ELOVL7: variants seen among roughly 807,000 people sequenced by gnomAD.
ELOVL7 encodes the protein ELOVL fatty acid elongase 7.
ELOVL7 carries 27 observed loss-of-function variants against 35.7 expected under a neutral mutation model. The observed-to-expected ratio is 0.76, with a 90% CI of 0.56 to 1.04. ELOVL7 has a LOEUF of 1.04. ELOVL7 is among the 50% of genes least tolerant of loss of function. The pLI, the probability that ELOVL7 is intolerant of heterozygous loss-of-function variation, is 0.00. For missense variants in ELOVL7, 327 were observed against 340.8 expected, an observed-to-expected ratio of 0.96 and a Z score of 0.32; for synonymous variants, 113 against 114.6, an observed-to-expected ratio of 0.99 and a Z score of 0.09.
intron 2 of ELOVL7, among the ~76,000 whole-genome samples, chr5:60,791,017 A>G (rs1172051445): frequency 1.3e-5 from 2 of 152,102 alleles, no homozygotes; most frequent in Non-Finnish European, 2.9e-5. Context: ...TGGCTCTGTC[A>G]CCCAGGCTGG....
chr5:60,822,121 G>C (rs544449480), intron 1 of ELOVL7, among the ~76,000 whole-genome samples: 2 of 152,302 alleles, frequency 1.3e-5, no homozygotes, highest in South Asian at 4.1e-4. Context: ...AGGTGTGAAT[G>C]ATAAGAAGGC....
Position 60,840,037 on chromosome 5 carries a change from G to A in ELOVL7, c.-86+4123C>T, listed in dbSNP as rs17391461. On this transcript the variant is annotated intron_variant, in intron 1 of 8. Transcript: ENST00000508821. ...GAGCATCCTTCTGTATCTTAAAACTGATAAGCACAAGTGGCACATCATGGA... is the reference window on the plus strand; with the variant it reads ...GAGCATCCTTCTGTATCTTAAAACTAATAAGCACAAGTGGCACATCATGGA... Among the ~76,000 whole-genome samples, 462 of 152,188 alleles carry A rather than the reference G, an allele frequency of 3.0e-3. 2 individuals are homozygous for A. Among genetic ancestry groups the A allele is most frequent in the South Asian group, 0.014 (68 of 4,802 alleles).
chr5:60,764,972 GA>G (rs1742148951), intron 6 of ELOVL7, among the ~76,000 whole-genome samples: 1 of 152,224 alleles, frequency 6.6e-6, no homozygotes, highest in East Asian at 1.9e-4. Flanking sequence ...GAATTTGGGA[GA>G]GGGGGAAATT....
At chr5:60,795,309 G>A (rs952927916) in intron 2 of ELOVL7, among the ~76,000 whole-genome samples, 2 of 152,100 alleles carry the variant, frequency 1.3e-5, no homozygotes, top group African/African-American at 2.4e-5. Flanking sequence ...TGACTGCACC[G>A]GCCTTTAAAC....
intron 1 of ELOVL7, among the ~76,000 whole-genome samples, chr5:60,814,047 G>A (rs1345509731): frequency 1.3e-5 from 2 of 152,096 alleles, no homozygotes; most frequent in Non-Finnish European, 1.5e-5. Flanking sequence ...AAGCAAGGTG[G>A]CAACAAGAAC....
At chr5:60,842,395 C>A (rs1747226663) in intron 1 of ELOVL7, among the ~76,000 whole-genome samples, 1 of 150,930 alleles carries the variant, frequency 6.6e-6, no homozygotes, top group Non-Finnish European at 1.5e-5. Flanking sequence ...CACTGACAGA[C>A]GTTACACTAA....
chr5:60,763,824 C>T (rs1414038736), intron 7 of ELOVL7, among the ~76,000 whole-genome samples: 2 of 152,062 alleles, frequency 1.3e-5, no homozygotes, highest in African/African-American at 2.4e-5. Context: ...GCAAATAAGA[C>T]ATAGAATTTG....
At chr5:60,812,884 G>A (rs138158278) in intron 1 of ELOVL7, among the ~76,000 whole-genome samples, 1,739 of 152,116 alleles carry the variant, frequency 0.011, 18 homozygotes, top group South Asian at 0.042. Flanking sequence ...TGTTTAGCTG[G>A]TTATTTTCTT....
At chr5:60,780,447 T>C (rs1284712917) in intron 3 of ELOVL7, among the ~76,000 whole-genome samples, 1 of 152,006 alleles carries the variant, frequency 6.6e-6, no homozygotes, top group Non-Finnish European at 1.5e-5. Context: ...CCTGTCTTCT[T>C]CTCACCCCTC....
intron 4 of ELOVL7, among the ~76,000 whole-genome samples, chr5:60,769,554 A>G (rs1225062825): frequency 6.6e-6 from 1 of 152,170 alleles, no homozygotes; most frequent in Admixed American, 6.5e-5. Flanking sequence ...TTGGCCTAAC[A>G]TCATTGGTAG....
chr5:60,760,208 C>T (rs1451069263), intron 7 of ELOVL7, among the ~76,000 whole-genome samples: 9 of 152,268 alleles, frequency 5.9e-5, no homozygotes, highest in East Asian at 3.9e-4. Context: ...CCTGAGGAAT[C>T]GCCACACTGA....
chr5:60,777,009 C>T (rs1444488301), intron 3 of ELOVL7, among the ~76,000 whole-genome samples: 2 of 148,446 alleles, frequency 1.3e-5, no homozygotes, highest in Non-Finnish European at 3.0e-5. Flanking sequence ...GAAAAATATT[C>T]AGATTTCTCA....
intron 3 of ELOVL7, among the ~76,000 whole-genome samples, chr5:60,783,572 G>A (rs1021764623): frequency 6.6e-6 from 1 of 152,188 alleles, no homozygotes; most frequent in Non-Finnish European, 1.5e-5. Flanking sequence ...ATTTGGGATA[G>A]TGAATAGCAA....
At chr5:60,783,618 C>T (rs1003565990) in intron 3 of ELOVL7, among the ~76,000 whole-genome samples, 2 of 152,166 alleles carry the variant, frequency 1.3e-5, no homozygotes, top group African/African-American at 4.8e-5. Context: ...TTCCAAACAG[C>T]TCTATTTCAA....
At chr5:60,766,415 G>A (rs1377784763) in intron 6 of ELOVL7, among the ~76,000 whole-genome samples, 159 bp downstream of exon 6, 1 of 152,100 alleles carries the variant, frequency 6.6e-6, no homozygotes, top group Non-Finnish European at 1.5e-5. Context: ...ATAATAAAAG[G>A]TAAAAAAGAT....
intron 3 of ELOVL7, among the ~76,000 whole-genome samples, chr5:60,782,485 T>G (rs1190221080): frequency 1.3e-5 from 2 of 152,234 alleles, no homozygotes; most frequent in Non-Finnish European, 2.9e-5. Context: ...ATAGCCAAGA[T>G]GTGGAATCAA....
intron 1 of ELOVL7, among the ~76,000 whole-genome samples, chr5:60,838,558 C>G (rs1746966749): frequency 6.6e-6 from 1 of 152,160 alleles, no homozygotes; most frequent in Non-Finnish European, 1.5e-5. Flanking sequence ...TGAAACTCCC[C>G]AGTTTTATCT....
At chr5:60,838,701 C>A (rs888855419) in intron 1 of ELOVL7, among the ~76,000 whole-genome samples, 38 of 152,142 alleles carry the variant, frequency 2.5e-4, no homozygotes, top group Non-Finnish European at 7.4e-5. Flanking sequence ...TATGTGGAAA[C>A]TTATCTCATT....
At chr5:60,775,010 C>A (rs1033690525) in intron 3 of ELOVL7, among the ~76,000 whole-genome samples, 1 of 152,060 alleles carries the variant, frequency 6.6e-6, no homozygotes, top group Non-Finnish European at 1.5e-5. Context: ...GTGATCTGCC[C>A]ACGTTGGCCT....
Sources: gnomAD v4.1 joint callset for allele counts (sites outside exome capture counted in the v4.1 genomes callset) on GRCh38, gnomAD v4.1.1 for gene constraint, MANE v1.5 for transcripts, NCBI Gene and HGNC (gene_info 2026-07-23, HGNC 2026-07-21) for gene names.